CACNA1C: variants seen among roughly 807,000 people sequenced by gnomAD.
CACNA1C encodes the protein calcium voltage-gated channel subunit alpha1 C, also known as voltage-dependent L-type calcium channel subunit alpha-1C.
Under a neutral mutation model 229.0 loss-of-function variants are expected in CACNA1C, and 30 were observed. The observed-to-expected ratio is 0.13, with a 90% confidence interval of 0.10 to 0.18. The LOEUF is 0.18. CACNA1C is among the 10% of genes least tolerant of loss of function. CACNA1C has a pLI of 1.00. For missense variants in CACNA1C, 1,658 were observed against 2,845.0 expected (o/e 0.58, Z 9.49); for synonymous variants, 1,114 against 1,132.5 (o/e 0.98, Z 0.33).
At chr12:2,336,038 A>C (rs1002244883) in intron 3 of CACNA1C, among the ~76,000 whole-genome samples, 4 of 151,948 alleles carry the variant, frequency 2.6e-5, no homozygotes, top group Admixed American at 6.5e-5. Context: ...AAAAAAAAAA[A>C]AACAAACCCT....
Position 2,674,538 on chromosome 12 carries a change from C to T in CACNA1C, c.4727-3C>T. 6.4e-7 allele frequency: 1 copy of T among 1,557,922 alleles called. No individual in the cohort carries two copies. Among genetic ancestry groups the T allele is most frequent in the Non-Finnish European group, 8.7e-7 (1 of 1,150,458 alleles). On this transcript the variant is annotated splice_region_variant and splice_polypyrimidine_tract_variant and intron_variant, in intron 38 of 46. Transcript: ENST00000399655. Reference sequence around the variant, plus strand: ...GGGGCTGAGGATCCTTTCCGCCCTGCAGGGAACCTAGAACAAGCCAATGAG... The same window carrying T: ...GGGGCTGAGGATCCTTTCCGCCCTGTAGGGAACCTAGAACAAGCCAATGAG...
chr12:2,556,677 A>T (rs1248355227), intron 10 of CACNA1C, among the ~76,000 whole-genome samples: 1 of 152,172 alleles, frequency 6.6e-6, no homozygotes, highest in Non-Finnish European at 1.5e-5. Context: ...ACCTCATAGA[A>T]GTTTCTAGGC....
chr12:2,607,330 G>A, intron 26 of CACNA1C, 200 bp downstream of exon 26: 2 of 555,872 alleles, frequency 3.6e-6, no homozygotes, highest in South Asian at 6.7e-5. Context: ...TTCTCTAGAA[G>A]GTGTCAAGAA....
intron 1 of CACNA1C, among the ~76,000 whole-genome samples, chr12:2,022,877 T>C (rs149578511): frequency 1.2e-3 from 184 of 152,280 alleles, no homozygotes; most frequent in African/African-American, 4.4e-3. Flanking sequence ...AGTGAAGACT[T>C]ATTGTACTTA....
At chr12:2,286,985 G>A (rs904002926) in intron 3 of CACNA1C, among the ~76,000 whole-genome samples, 2 of 152,234 alleles carry the variant, frequency 1.3e-5, no homozygotes. Flanking sequence ...AATCTAAAGT[G>A]AAGGGTGTGT....
chr12:2,606,797 C>A, intron 25 of CACNA1C, 134 bp downstream of exon 25: 1 of 929,828 alleles, frequency 1.1e-6, no homozygotes, highest in Non-Finnish European at 1.7e-6. Flanking sequence ...TGTCATCTGG[C>A]CTCACGGACA....
chr12:2,608,770 C>A lies in CACNA1C; in HGVS notation c.3558+58C>A. The A allele has an allele frequency of 1.3e-6, 2 of 1,554,830 alleles. No homozygotes were observed. The highest frequency in any genetic ancestry group is 1.8e-6 in the Non-Finnish European group (2 of 1,134,396). On this transcript the variant is annotated intron_variant, in intron 27 of 46. Coordinates refer to ENST00000399655, the MANE Select transcript of CACNA1C (RefSeq NM_000719.7). The surrounding 1 kb of genome is among the most constrained non-coding windows in gnomAD (Gnocchi z 4.2). Reference sequence around the variant, plus strand: ...GGCCCACGGAGGGAATGGCAGCCTGCGGCCCACCCCGCAGAGGGGCTGCGA... The same window carrying A: ...GGCCCACGGAGGGAATGGCAGCCTGAGGCCCACCCCGCAGAGGGGCTGCGA...
chr12:2,585,424 G>A lies in CACNA1C; in HGVS notation c.2388G>A (p.Val796=), dbSNP rs1346569150. 1 of 1,610,208 alleles carries A rather than the reference G, an allele frequency of 6.2e-7. No individual in the cohort carries two copies. Among genetic ancestry groups the A allele is most frequent in the Non-Finnish European group, 8.5e-7 (1 of 1,178,088 alleles). ...AAGAGTTGGTGGAGAAGCCGGCAGTGGGGGAATCCAAGGAGGAGAAGATTG... is the reference window on the plus strand; with the variant it reads ...AAGAGTTGGTGGAGAAGCCGGCAGTAGGGGAATCCAAGGAGGAGAAGATTG... The part of the protein sequence containing the change: ...KKQELVEKPA[V]GESKEEKIEL... The change falls in exon 17 of 47, where the codon GTG becomes GTA. Residue 796 remains valine, a synonymous_variant. Coordinates refer to ENST00000399655, the MANE Select transcript of CACNA1C (RefSeq NM_000719.7). The surrounding 1 kb of genome is among the most constrained non-coding windows in gnomAD (Gnocchi z 4.1).
At chr12:2,457,358 A>G (rs913405591) in intron 4 of CACNA1C, among the ~76,000 whole-genome samples, 1 of 152,224 alleles carries the variant, frequency 6.6e-6, no homozygotes, top group African/African-American at 2.4e-5. Context: ...TCCCTGGGCC[A>G]TGGTGGCACC....
chr12:2,184,604 AG>A (rs1157750177), intron 3 of CACNA1C, among the ~76,000 whole-genome samples: 1 of 152,136 alleles, frequency 6.6e-6, no homozygotes, highest in Non-Finnish European at 1.5e-5. Flanking sequence ...CTTTCTACAT[AG>A]TTTATTCATT....
At chr12:2,244,985 C>G (rs1027214788) in intron 3 of CACNA1C, among the ~76,000 whole-genome samples, 1 of 152,138 alleles carries the variant, frequency 6.6e-6, no homozygotes, top group Non-Finnish European at 1.5e-5. Context: ...GGGTTTTTCT[C>G]TGGGGCTGTA....
In CACNA1C at chr12:2,608,326, G is replaced by A. The variant is rs1320801310; in HGVS notation, c.3357-185G>A. On this transcript the variant is annotated intron_variant, in intron 26 of 46. Transcript: ENST00000399655. The surrounding 1 kb of genome is among the most constrained non-coding windows in gnomAD (Gnocchi z 4.2). ...TCTCCAATTTACAGATGAAGAATCT[G>A]AGTCTCAGAGAGGTTAAACGCTTTG... Among the ~76,000 whole-genome samples the A allele has an allele frequency of 1.3e-5, 2 of 152,198 alleles. No homozygotes were observed. The highest frequency in any genetic ancestry group is 4.8e-5 in the African/African-American group (2 of 41,450).
chr12:2,014,336 A>T (rs1189625007), intron 1 of CACNA1C, among the ~76,000 whole-genome samples: 1 of 152,154 alleles, frequency 6.6e-6, no homozygotes, highest in Non-Finnish European at 1.5e-5. Flanking sequence ...TCTTATAATA[A>T]GCATAGCAAC....
rs116915740 is a variant in CACNA1C at position 2,058,384 on chromosome 12, T to A, written c.49+4773T>A. ...TTTTCCAATATGGACTACAGAAAGC[T>A]GATAGACTGTTTGCGAAACACCTGG... On this transcript the variant is annotated intron_variant, in intron 1 of 46. Coordinates refer to ENST00000399655, the MANE Select transcript of CACNA1C (RefSeq NM_000719.7). Among the ~76,000 whole-genome samples, 72 of 152,310 alleles carry A rather than the reference T, an allele frequency of 4.7e-4. 1 individual carries two copies. In the East Asian group the frequency reaches 0.013, roughly 27 times the overall value.
intron 3 of CACNA1C, among the ~76,000 whole-genome samples, chr12:2,142,201 CA>C (rs971289280): frequency 6.6e-6 from 1 of 151,260 alleles, no homozygotes; most frequent in African/African-American, 2.4e-5. Flanking sequence ...TGGGGTGGAT[CA>C]TACAGTCAGG....
intron 3 of CACNA1C, among the ~76,000 whole-genome samples, chr12:2,239,915 A>C (rs2239035): frequency 0.092 from 14,069 of 152,290 alleles, 1,110 homozygotes; most frequent in East Asian, 0.29. Context: ...GGGAAATGTC[A>C]TAAAGGGTCC....
intron 9 of CACNA1C, among the ~76,000 whole-genome samples, chr12:2,545,220 T>TG (rs1034562745): frequency 6.6e-6 from 1 of 151,104 alleles, no homozygotes; most frequent in African/African-American, 2.4e-5. Context: ...TGATTTTTTT[T>TG]TTTTTTTTTG....
chr12:2,351,661 C>T (rs1352638304), intron 3 of CACNA1C, among the ~76,000 whole-genome samples: 1 of 152,206 alleles, frequency 6.6e-6, no homozygotes, highest in African/African-American at 2.4e-5. Flanking sequence ...CAGGGTGTGT[C>T]TGCAGTGATC....
intron 7 of CACNA1C, among the ~76,000 whole-genome samples, chr12:2,502,469 T>C (rs2099762744): frequency 6.6e-6 from 1 of 152,180 alleles, no homozygotes; most frequent in Non-Finnish European, 1.5e-5. Context: ...GCAAACCAGA[T>C]GTGAGAAAAT....
Sources: allele counts gnomAD v4.1 joint callset (sites outside exome capture counted in the v4.1 genomes callset), GRCh38; gene constraint gnomAD v4.1.1; non-coding constraint Gnocchi (gnomAD v3.1); transcripts MANE v1.5; gene names NCBI Gene and HGNC (gene_info 2026-07-23, HGNC 2026-07-21).